The following CCDC138 variants were observed in gnomAD, a reference collection of about 807,000 sequenced individuals.
CCDC138 encodes coiled-coil domain-containing protein 138.
CCDC138 carries 66 observed loss-of-function variants against 82.3 expected under a neutral mutation model. The observed-to-expected ratio is 0.80, with a 90% CI of 0.66 to 0.98. The LOEUF is 0.98. CCDC138 is among the 50% of genes least tolerant of loss of function. The pLI, the probability that CCDC138 is intolerant of heterozygous loss-of-function variation, is 0.00. For missense variants in CCDC138, 816 were observed against 758.9 expected, an observed-to-expected ratio of 1.08 and a Z score of -0.88; for synonymous variants, 297 against 265.4, an observed-to-expected ratio of 1.12 and a Z score of -1.16.
At chr2:108,881,680 C>T (rs1168316784) in intron 1 of CCDC138, among the ~76,000 whole-genome samples, 2 of 152,104 alleles carry the variant, frequency 1.3e-5, no homozygotes, top group African/African-American at 4.8e-5. Context: ...TATTAATTGG[C>T]CTAATTTCAG....
At chr2:108,833,292 C>CCA (rs1688004196) in intron 10 of CCDC138, among the ~76,000 whole-genome samples, 1 of 152,134 alleles carries the variant, frequency 6.6e-6, no homozygotes, top group Admixed American at 6.5e-5. Flanking sequence ...AACAAATGTA[C>CCA]CACACTGGTA....
chr2:108,877,214 T>G (rs1696079931), downstream of CCDC138, among the ~76,000 whole-genome samples: 1 of 152,152 alleles, frequency 6.6e-6, no homozygotes, highest in African/African-American at 2.4e-5. Context: ...ACGCCTGTAA[T>G]CCCAGCACTC....
Position 108,791,676 on chromosome 2 carries a change from C to T in CCDC138, c.268C>T (p.Leu90=), listed in dbSNP as rs751551255. ...SLFKHVNVNC[L]DDELDSFHDL... is the part of the protein sequence containing the mutation. ...TGTGATACAATTATTTTTTTAAAGCCTAGATGATGAACTGGATTCTTTCCA... is the reference window on the plus strand; with the variant it reads ...TGTGATACAATTATTTTTTTAAAGCTTAGATGATGAACTGGATTCTTTCCA... The change falls in exon 4 of 15, where the codon CTA becomes TTA. Residue 90 remains leucine (L), a splice_region_variant and synonymous_variant. Transcript: ENST00000295124. 1 of 1,603,392 alleles carries T rather than the reference C, an allele frequency of 6.2e-7. No homozygotes were observed. The highest frequency in any genetic ancestry group is 8.5e-7 in the Non-Finnish European group (1 of 1,173,930).
chr2:108,826,354 GTA>G (rs1474904101), intron 10 of CCDC138, among the ~76,000 whole-genome samples: 1 of 152,088 alleles, frequency 6.6e-6, no homozygotes, highest in African/African-American at 2.4e-5. Context: ...AGATTTATCT[GTA>G]TGTTTTCTTT....
At chr2:108,826,614 G>C (rs938793052) in intron 10 of CCDC138, among the ~76,000 whole-genome samples, 1 of 152,064 alleles carries the variant, frequency 6.6e-6, no homozygotes, top group Non-Finnish European at 1.5e-5. Flanking sequence ...TGTTCTATTT[G>C]TCTATCCTTA....
At chr2:108,861,875 A>T (rs1157233970) in intron 13 of CCDC138, among the ~76,000 whole-genome samples, 1 of 152,112 alleles carries the variant, frequency 6.6e-6, no homozygotes, top group Non-Finnish European at 1.5e-5. Context: ...TGTATCCTAC[A>T]GGTTTTGGTA....
At chr2:108,843,151 G>T (rs545042862) in intron 11 of CCDC138, among the ~76,000 whole-genome samples, 2 of 151,454 alleles carry the variant, frequency 1.3e-5, no homozygotes, top group Non-Finnish European at 2.9e-5. Flanking sequence ...CTGTTCTTTA[G>T]AGTAGTTATT....
At chr2:108,881,259 T>C (rs1050036885), downstream of CCDC138, among the ~76,000 whole-genome samples, 6 of 152,256 alleles carry the variant, frequency 3.9e-5, no homozygotes, top group Admixed American at 6.5e-5. Flanking sequence ...GTTATGGAGA[T>C]GATTTCTTTC....
chr2:108,821,967 A>G (rs1383914226), intron 10 of CCDC138, among the ~76,000 whole-genome samples: 3 of 151,718 alleles, frequency 2.0e-5, no homozygotes, highest in African/African-American at 7.3e-5. Context: ...CTTTATCAGT[A>G]ATTACTTTAA....
chr2:108,852,128 C>A (rs944255116), intron 12 of CCDC138, among the ~76,000 whole-genome samples: 7 of 152,268 alleles, frequency 4.6e-5, no homozygotes, highest in Non-Finnish European at 1.0e-4. Context: ...TTAATCCTCA[C>A]AACAGTTCAT....
In CCDC138 at chr2:108,856,823, C is replaced by A; in HGVS notation, c.1546C>A (p.Leu516Ile). ...TTACCTGGCTCAGGCATTTGATTCT[C>A]TTTGTTTGGACTTGAAGACAGAAGA... ...ADYLAQAFDS[L>I]CLDLKTEEGK... Residue 516 changes from leucine to isoleucine, a missense_variant, in exon 13 of 15, where the codon CTT becomes ATT. Physicochemically the swap from Leu to Ile is conservative, Grantham distance 5 (BLOSUM62 2). Coordinates refer to ENST00000295124, the MANE Select transcript of CCDC138 (RefSeq NM_144978.3). 6.2e-7 allele frequency: 1 copy of A among 1,613,032 alleles called. No individual in the cohort carries two copies. The highest frequency in any genetic ancestry group is 8.5e-7 in the Non-Finnish European group (1 of 1,179,626).
At chr2:108,853,033 A>G (rs1287437530) in intron 12 of CCDC138, among the ~76,000 whole-genome samples, 1 of 152,136 alleles carries the variant, frequency 6.6e-6, no homozygotes, top group African/African-American at 2.4e-5. Flanking sequence ...ACCAAAATAC[A>G]TCATAACCTT....
intron 10 of CCDC138, among the ~76,000 whole-genome samples, chr2:108,819,084 CA>C (rs1383038626): frequency 6.6e-6 from 1 of 152,150 alleles, no homozygotes; most frequent in Non-Finnish European, 1.5e-5. Context: ...ACGTCATCAA[CA>C]TGTTGGAGTA....
chr2:108,817,838 T>TC (rs1558666976), intron 10 of CCDC138, among the ~76,000 whole-genome samples: 4 of 152,328 alleles, frequency 2.6e-5, no homozygotes, highest in Admixed American at 2.6e-4. Flanking sequence ...TGTTTAAATG[T>TC]TAAGTTTGTG....
intron 7 of CCDC138, among the ~76,000 whole-genome samples, chr2:108,806,327 G>T (rs1682876879): frequency 6.6e-6 from 1 of 152,160 alleles, no homozygotes; most frequent in African/African-American, 2.4e-5. Flanking sequence ...TATCTCTTAG[G>T]TTTCTGTAAT....
chr2:108,877,796 A>G (rs1696128234), downstream of CCDC138, among the ~76,000 whole-genome samples: 1 of 152,232 alleles, frequency 6.6e-6, no homozygotes, highest in Non-Finnish European at 1.5e-5. Context: ...CATGTTCCAG[A>G]AAAACCTATG....
intron 4 of CCDC138, 122 bp downstream of exon 4, chr2:108,791,924 T>C (rs1573910649): frequency 1.0e-6 from 1 of 1,000,014 alleles, no homozygotes; most frequent in East Asian, 2.8e-5. Context: ...GTTCTGAACT[T>C]CTGTAAGCTA....
intron 3 of CCDC138, chr2:108,791,411 G>A: frequency 2.3e-6 from 1 of 443,820 alleles, no homozygotes; most frequent in African/African-American, 2.1e-5. Flanking sequence ...GTGTTCCTTA[G>A]CTGTAGAATA....
intron 11 of CCDC138, among the ~76,000 whole-genome samples, chr2:108,845,177 CA>C (rs1690231551): frequency 6.6e-6 from 1 of 151,986 alleles, no homozygotes; most frequent in Admixed American, 6.6e-5. Context: ...GAGTTTTGAA[CA>C]TTTTTTTCTA....
Sources: gnomAD v4.1 joint callset for allele counts (sites outside exome capture counted in the v4.1 genomes callset) on GRCh38, gnomAD v4.1.1 for gene constraint, MANE v1.5 for transcripts, NCBI Gene and HGNC (gene_info 2026-07-23, HGNC 2026-07-21) for gene names.